CNTN6: variants seen among roughly 807,000 people sequenced by gnomAD.
CNTN6 encodes contactin-6.
CNTN6 carries 137 observed loss-of-function variants against 122.8 expected under a neutral mutation model. The ratio of observed to expected loss-of-function variants is 1.12; its 90% CI spans 0.97 to 1.29. The LOEUF is 1.29. CNTN6 is among the 50% of genes most tolerant of loss of function. The pLI, the probability that CNTN6 is intolerant of heterozygous loss-of-function variation, is 0.00. For synonymous variants in CNTN6, 570 were observed against 426.0 expected (o/e 1.34, Z -4.16); for missense variants, 1,634 against 1,223.4 (o/e 1.34, Z -5.01).
intron 2 of CNTN6, among the ~76,000 whole-genome samples, chr3:1,214,299 G>GTTTTT (rs1285055399): frequency 1.3e-5 from 1 of 77,036 alleles, no homozygotes; most frequent in Non-Finnish European, 2.4e-5. Context: ...TTTGTTGGAT[G>GTTTTT]TCTTTTTTTT....
intron 2 of CNTN6, among the ~76,000 whole-genome samples, chr3:1,218,766 G>A (rs540704769): frequency 1.8e-4 from 28 of 152,058 alleles, no homozygotes; most frequent in Admixed American, 5.2e-4. Flanking sequence ...GAGAGGCTCT[G>A]GGCAAGAGCA....
chr3:1,317,100 A>G (rs778701376), intron 7 of CNTN6, among the ~76,000 whole-genome samples: 1 of 151,964 alleles, frequency 6.6e-6, no homozygotes, highest in East Asian at 1.9e-4. Flanking sequence ...TTTAATTAGG[A>G]ACTGTGAAAT....
chr3:1,298,082 A>C (rs764253075), intron 7 of CNTN6, 91 bp downstream of exon 7: 34 of 846,872 alleles, frequency 4.0e-5, no homozygotes, highest in Admixed American at 8.2e-5. Flanking sequence ...GCTCTAAGGT[A>C]AATTACCAAG....
At chr3:1,283,827 C>A (rs562159336) in intron 5 of CNTN6, among the ~76,000 whole-genome samples, 167 of 152,202 alleles carry the variant, frequency 1.1e-3, no homozygotes, top group Non-Finnish European at 2.1e-3. Context: ...TGGTGAAACC[C>A]CGTCTGTCCT....
intron 2 of CNTN6, among the ~76,000 whole-genome samples, chr3:1,214,365 A>G (rs1027197722): frequency 3.2e-5 from 4 of 126,860 alleles, no homozygotes; most frequent in Non-Finnish European, 6.2e-5. Flanking sequence ...CTGGAGTGCA[A>G]TGGCGTAATC....
At chr3:1,277,469 C>T (rs1338809428) in intron 4 of CNTN6, among the ~76,000 whole-genome samples, 1 of 147,598 alleles carries the variant, frequency 6.8e-6, no homozygotes, top group Non-Finnish European at 1.5e-5. Flanking sequence ...AAGCAATTCT[C>T]ATGCCTCAGC....
chr3:1,161,250 A>T (rs897902382), intron 2 of CNTN6, among the ~76,000 whole-genome samples: 4 of 101,674 alleles, frequency 3.9e-5, no homozygotes, highest in South Asian at 2.9e-4. Context: ...ATATATGATT[A>T]TATATATATG....
intron 2 of CNTN6, 26 bp from the exon 3 acceptor site, chr3:1,220,661 T>C (rs750376659): frequency 1.3e-6 from 2 of 1,572,786 alleles, no homozygotes. Flanking sequence ...TTTTTTTTCA[T>C]GTGATTTATT....
At chr3:1,317,620 C>T (rs948233401) in intron 7 of CNTN6, among the ~76,000 whole-genome samples, 2 of 151,544 alleles carry the variant, frequency 1.3e-5, no homozygotes, top group Admixed American at 6.6e-5. Context: ...AGAATCTTGG[C>T]GTTTATACCT....
At chr3:1,197,869 G>A (rs542531254) in intron 2 of CNTN6, among the ~76,000 whole-genome samples, 1 of 152,190 alleles carries the variant, frequency 6.6e-6, no homozygotes, top group Non-Finnish European at 1.5e-5. Context: ...TAATTATCTG[G>A]TAGTTACTAT....
intron 2 of CNTN6, among the ~76,000 whole-genome samples, chr3:1,169,583 G>GT (rs941553394): frequency 1.3e-5 from 2 of 152,216 alleles, no homozygotes; most frequent in Non-Finnish European, 2.9e-5. Context: ...TCAGAGCTGA[G>GT]TTAGGAAAGT....
intron 2 of CNTN6, among the ~76,000 whole-genome samples, chr3:1,166,057 T>G (rs2093240783): frequency 6.6e-6 from 1 of 152,198 alleles, no homozygotes; most frequent in East Asian, 1.9e-4. Context: ...AAGTATAACT[T>G]ATGAGTCGGT....
At chr3:1,295,465 C>G (rs575548107) in intron 5 of CNTN6, 136 bp from the exon 6 acceptor site, 38 of 635,296 alleles carry the variant, frequency 6.0e-5, no homozygotes, top group Middle Eastern at 8.1e-4. Context: ...CACCAGATGA[C>G]AGCTATCAAC....
chr3:1,295,822 C>A lies in CNTN6; in HGVS notation c.658+18C>A. The A allele has an allele frequency of 6.2e-7, 1 of 1,603,806 alleles. No individual in the cohort carries two copies. Among genetic ancestry groups the A allele is most frequent in the South Asian group, 1.1e-5 (1 of 90,660 alleles). On this transcript the variant is annotated intron_variant, in intron 6 of 22. Transcript: ENST00000446702. Reference sequence around the variant, plus strand: ...CACTGATGGTAAGATAATGAGTTATCTTGGGAATGTACTTTATCTTTGGCC... The same window carrying A: ...CACTGATGGTAAGATAATGAGTTATATTGGGAATGTACTTTATCTTTGGCC...
Position 1,403,590 on chromosome 3 carries a change from A to G in CNTN6, c.*172A>G. 1 of 418,790 alleles carries G rather than the reference A, an allele frequency of 2.4e-6. No individual in the cohort carries two copies. The highest frequency in any genetic ancestry group is 6.3e-5 in the South Asian group (1 of 15,980). 25.9% of individuals were successfully genotyped at this position (418,790 alleles called of 1,614,324 possible). On this transcript the variant is annotated 3_prime_UTR_variant, in exon 23 of 23. Coordinates refer to ENST00000446702, the MANE Select transcript of CNTN6 (RefSeq NM_001289080.2). ...TATGGTATATTAATAAAACAATTTT[A>G]AACACTTTTGAATTTTAAAATCCGC...
At chr3:1,103,062 C>T (rs1048264362) in intron 1 of CNTN6, among the ~76,000 whole-genome samples, 4 of 151,684 alleles carry the variant, frequency 2.6e-5, no homozygotes, top group Non-Finnish European at 4.4e-5. Context: ...GCCAAGATGG[C>T]GCCACCGCAC....
chr3:1,344,445 A>T (rs1466580624), intron 11 of CNTN6, among the ~76,000 whole-genome samples: 2 of 152,174 alleles, frequency 1.3e-5, no homozygotes, highest in African/African-American at 2.4e-5. Flanking sequence ...GAGCTGCTTT[A>T]CCTGAACCTT....
At chr3:1,239,378 A>G (rs1235442867) in intron 4 of CNTN6, among the ~76,000 whole-genome samples, 3 of 152,174 alleles carry the variant, frequency 2.0e-5, no homozygotes, top group Non-Finnish European at 4.4e-5. Flanking sequence ...ACCAACAGTG[A>G]CCAAGCTGAA....
At chr3:1,373,885 A>T in intron 15 of CNTN6, 39 bp from the exon 16 acceptor site, 1 of 1,548,046 alleles carries the variant, frequency 6.5e-7, no homozygotes, top group Non-Finnish European at 8.7e-7. Flanking sequence ...GTTTTTGAGT[A>T]GTCCCAACCT....
Sources: allele counts gnomAD v4.1 joint callset (sites outside exome capture counted in the v4.1 genomes callset), GRCh38; gene constraint gnomAD v4.1.1; transcripts MANE v1.5; gene names NCBI Gene and HGNC (gene_info 2026-07-23, HGNC 2026-07-21).